HABP2: variants seen among roughly 807,000 people sequenced by gnomAD.
HABP2 encodes hyaluronan binding protein 2, also known as factor VII-activating protease.
In HABP2, 65 loss-of-function variants were observed where a neutral mutation model predicts 66.5. That is an observed-to-expected ratio of 0.98 (90% CI 0.80 to 1.20). The LOEUF is 1.20. Ranked by LOEUF, HABP2 falls within the 50% of genes most tolerant of loss-of-function variation. HABP2 has a pLI of 0.00. For synonymous variants in HABP2, 263 were observed against 253.9 expected, an observed-to-expected ratio of 1.04 and a Z score of -0.34; for missense variants, 786 against 691.0, an observed-to-expected ratio of 1.14 and a Z score of -1.54.
intron 3 of HABP2, among the ~76,000 whole-genome samples, chr10:113,575,456 G>C (rs1454861137): frequency 6.6e-6 from 1 of 152,150 alleles, no homozygotes. Flanking sequence ...CGTTTCATTA[G>C]GGGTGGGTTT....
intron 2 of HABP2, among the ~76,000 whole-genome samples, chr10:113,570,792 A>C (rs1227441965): frequency 6.6e-6 from 1 of 152,262 alleles, no homozygotes; most frequent in Admixed American, 6.5e-5. Context: ...TTAGCCACTA[A>C]GGGAAAAATA....
At chr10:113,555,511 T>C (rs11575697) in intron 1 of HABP2, among the ~76,000 whole-genome samples, 1 of 152,176 alleles carries the variant, frequency 6.6e-6, no homozygotes, top group Admixed American at 6.5e-5. Flanking sequence ...TCACTATTCA[T>C]TGGAAAGACA....
chr10:113,584,061 T>G, intron 10 of HABP2, 87 bp from the exon 11 acceptor site: 1 of 1,170,190 alleles, frequency 8.5e-7, no homozygotes, highest in Non-Finnish European at 1.3e-6. Context: ...GGCTTTGCTG[T>G]GGCCACCTTC....
chr10:113,558,816 C>T (rs1310891379), intron 1 of HABP2, among the ~76,000 whole-genome samples: 1 of 152,178 alleles, frequency 6.6e-6, no homozygotes, highest in Non-Finnish European at 1.5e-5. Context: ...GAGGCGGCCC[C>T]ACGCTCAGCT....
At chr10:113,579,207 C>T (rs1488501772) in intron 7 of HABP2, among the ~76,000 whole-genome samples, 1 of 150,798 alleles carries the variant, frequency 6.6e-6, no homozygotes, top group African/African-American at 2.4e-5. Flanking sequence ...TGTAGTGAGC[C>T]ACTGCACTCC....
intron 8 of HABP2, 88 bp downstream of exon 8, chr10:113,580,780 C>T: frequency 1.4e-6 from 1 of 715,890 alleles, no homozygotes; most frequent in Non-Finnish European, 2.5e-6. Flanking sequence ...CCCTCCCTCA[C>T]CCTGTTCTTC....
intron 2 of HABP2, among the ~76,000 whole-genome samples, chr10:113,572,949 A>G (rs1467501184): frequency 6.6e-6 from 1 of 152,218 alleles, no homozygotes; most frequent in Non-Finnish European, 1.5e-5. Context: ...CAAAAGCCAG[A>G]GAGATAAAGA....
Position 113,575,946 on chromosome 10 carries a change from TG to T in HABP2, c.276del (p.Ser93AlafsTer97). On this transcript the variant is annotated frameshift_variant, in exon 4 of 13. Coordinates refer to ENST00000351270, the MANE Select transcript of HABP2 (RefSeq NM_004132.5). LOFTEE classifies it high-confidence loss of function. ...AACACGGTGGGGACTGCCTCGTCCA[TG>T]GGAGCACCTTCACATGCAGCTGCCT... ...CEHGGDCLVH[G>X]STFTCSCLAP... 6.2e-7 allele frequency: 1 copy of T among 1,613,060 alleles called. No homozygotes were observed. Among genetic ancestry groups the T allele is most frequent in the Non-Finnish European group, 8.5e-7 (1 of 1,179,026 alleles).
chr10:113,574,763 C>A (rs755880371), intron 3 of HABP2, among the ~76,000 whole-genome samples: 2 of 152,170 alleles, frequency 1.3e-5, no homozygotes, highest in African/African-American at 4.8e-5. Context: ...ACAGGTCAGA[C>A]CCTAAGGATG....
At chr10:113,587,717 A>G (rs572290152) in intron 12 of HABP2, among the ~76,000 whole-genome samples, 5 of 152,192 alleles carry the variant, frequency 3.3e-5, no homozygotes, top group Non-Finnish European at 7.3e-5. Context: ...AATCTTCACA[A>G]GAACCCTGGG....
rs1174301680 is a variant in HABP2, at chr10:113,588,610, A to C, written c.*241A>C. ...AATGATGGAATCAACACAACATAGT[A>C]TGTTTGCTTTCCTTACCCAATTGTA... On this transcript the variant is annotated 3_prime_UTR_variant, in exon 13 of 13. Transcript: ENST00000351270. 9.3e-6 allele frequency: 5 copies of C among 537,446 alleles called. No individual in the cohort carries two copies. In the African/African-American group the frequency reaches 9.4e-5, roughly 10 times the overall value. 33.3% of individuals were successfully genotyped at this position (537,446 alleles called of 1,614,324 possible).
At chr10:113,568,205 G>A (rs567218018) in intron 2 of HABP2, among the ~76,000 whole-genome samples, 2 of 152,318 alleles carry the variant, frequency 1.3e-5, no homozygotes, top group Admixed American at 6.5e-5. Flanking sequence ...CTCTGGGTTC[G>A]AGTCTCCCTT....
intron 2 of HABP2, among the ~76,000 whole-genome samples, chr10:113,571,708 C>A (rs1345048603): frequency 2.6e-5 from 4 of 152,162 alleles, no homozygotes; most frequent in Non-Finnish European, 4.4e-5. Flanking sequence ...GACTTGGTCA[C>A]TTCTAGCTCC....
chr10:113,561,740 C>A (rs995993098), intron 1 of HABP2, among the ~76,000 whole-genome samples: 2 of 152,126 alleles, frequency 1.3e-5, no homozygotes, highest in Non-Finnish European at 2.9e-5. Flanking sequence ...CATTTTCTAC[C>A]AACGAATTTC....
chr10:113,587,570 C>T (rs1172097897), intron 12 of HABP2, among the ~76,000 whole-genome samples: 1 of 152,112 alleles, frequency 6.6e-6, no homozygotes. Context: ...AAAAACCTGT[C>T]AGTTGTAGTG....
intron 2 of HABP2, among the ~76,000 whole-genome samples, chr10:113,568,356 A>G (rs1345522663): frequency 6.6e-6 from 1 of 152,224 alleles, no homozygotes; most frequent in Admixed American, 6.5e-5. Context: ...CTGTGGCCAC[A>G]TCTGAACCTT....
At chr10:113,551,831 A>AAT (rs1565093046), upstream of HABP2, among the ~76,000 whole-genome samples, 162 of 151,792 alleles carry the variant, frequency 1.1e-3, no homozygotes, top group African/African-American at 3.8e-3. Flanking sequence ...ATAATAATAA[A>AAT]AAGAAAAAGG....
At chr10:113,583,457 G>A in intron 10 of HABP2, 99 bp downstream of exon 10, 2 of 1,095,276 alleles carry the variant, frequency 1.8e-6, no homozygotes, top group East Asian at 4.8e-5. Flanking sequence ...GCTCTTGATT[G>A]TTTTTGGTCC....
chr10:113,562,462 T>C (rs1350925167), intron 1 of HABP2, among the ~76,000 whole-genome samples: 1 of 122,152 alleles, frequency 8.2e-6, no homozygotes, highest in Non-Finnish European at 1.8e-5. Context: ...TTTTTTTTTT[T>C]AAGACAGAGT....
Sources: gnomAD v4.1 joint callset for allele counts (sites outside exome capture counted in the v4.1 genomes callset) on GRCh38, gnomAD v4.1.1 for gene constraint, MANE v1.5 for transcripts, NCBI Gene and HGNC (gene_info 2026-07-23, HGNC 2026-07-21) for gene names.